Variants in CCDC148 observed in about 807,000 individuals in gnomAD.
CCDC148 encodes coiled-coil domain containing 148, also known as coiled-coil domain-containing protein 148.
A neutral mutation model predicts 85.7 loss-of-function variants in CCDC148; 89 were observed. That is an observed-to-expected ratio of 1.04 (90% CI 0.87 to 1.24). The LOEUF is 1.24. Ranked by LOEUF, CCDC148 falls within the 50% of genes most tolerant of loss-of-function variation. The pLI is 0.00. For synonymous variants in CCDC148, 230 were observed against 213.9 expected, an observed-to-expected ratio of 1.08 and a Z score of -0.66; for missense variants, 692 against 671.7, an observed-to-expected ratio of 1.03 and a Z score of -0.33.
chr2:158,453,004 T>C (rs1388456151), intron 1 of CCDC148, among the ~76,000 whole-genome samples: 2 of 152,236 alleles, frequency 1.3e-5, no homozygotes, highest in African/African-American at 2.4e-5. Flanking sequence ...TTTTTCCACA[T>C]TGTACAGCTA....
intron 10 of CCDC148, among the ~76,000 whole-genome samples, chr2:158,221,069 T>G (rs1687156934): frequency 6.6e-6 from 1 of 152,240 alleles, no homozygotes; most frequent in Admixed American, 6.5e-5. Context: ...AAGAATATTT[T>G]TATCTTCTTA....
intron 11 of CCDC148, among the ~76,000 whole-genome samples, chr2:158,212,646 C>T (rs1300197068): frequency 6.6e-6 from 1 of 152,096 alleles, no homozygotes; most frequent in Non-Finnish European, 1.5e-5. Context: ...CAGGAAAATG[C>T]TGTTATTTGG....
chr2:158,420,907 G>GA (rs1686747351), intron 1 of CCDC148, among the ~76,000 whole-genome samples: 1 of 147,682 alleles, frequency 6.8e-6, no homozygotes, highest in African/African-American at 2.5e-5. Context: ...CAAGAAAATA[G>GA]AAAACAAAAA....
intron 1 of CCDC148, among the ~76,000 whole-genome samples, chr2:158,394,792 C>A (rs940308034): frequency 2.8e-4 from 43 of 151,976 alleles, no homozygotes; most frequent in Non-Finnish European, 5.3e-4. Flanking sequence ...GGCAGTAAAA[C>A]TTGCCCACCT....
chr2:158,283,183 A>G (rs1000109131), intron 9 of CCDC148, among the ~76,000 whole-genome samples: 3 of 152,244 alleles, frequency 2.0e-5, no homozygotes, highest in Non-Finnish European at 4.4e-5. Context: ...ACCCTAGACG[A>G]AAACCTAGGC....
intron 11 of CCDC148, among the ~76,000 whole-genome samples, chr2:158,191,187 C>T (rs1685408087): frequency 6.6e-6 from 1 of 151,980 alleles, no homozygotes. Flanking sequence ...CCACAGTCTT[C>T]TCCCTCAAAC....
chr2:158,324,948 T>C (rs1230011640), intron 7 of CCDC148, among the ~76,000 whole-genome samples: 3 of 152,066 alleles, frequency 2.0e-5, no homozygotes, highest in Admixed American at 6.6e-5. Context: ...TGCTTATTCC[T>C]CCACTTGTGT....
chr2:158,328,025 T>A (rs934894018), intron 7 of CCDC148, among the ~76,000 whole-genome samples: 2 of 151,034 alleles, frequency 1.3e-5, no homozygotes, highest in Admixed American at 6.6e-5. Flanking sequence ...TCTCATTTCT[T>A]TTTTTTTTAT....
At chr2:158,452,018 G>A (rs997514257) in intron 1 of CCDC148, among the ~76,000 whole-genome samples, 1 of 152,164 alleles carries the variant, frequency 6.6e-6, no homozygotes, top group Admixed American at 6.5e-5. Context: ...ACCTTATGAG[G>A]AGAATAGTGT....
rs574995096 is a variant in CCDC148 at position 158,454,495 on chromosome 2, T to G, written c.25+1920A>C. 2.0e-4 allele frequency among the ~76,000 whole-genome samples: 31 copies of G among 152,330 alleles called. No homozygotes were observed. In the East Asian group the frequency reaches 2.3e-3, roughly 11 times the overall value. On this transcript the variant is annotated intron_variant, in intron 1 of 13. Coordinates refer to ENST00000283233, the MANE Select transcript of CCDC148 (RefSeq NM_138803.4). ...GAAGGAGGTGAAGATGTGTGAAAAC[T>G]AGGACTGAGGTTTAAGAAAGTTAAG...
intron 9 of CCDC148, among the ~76,000 whole-genome samples, chr2:158,304,944 G>A (rs922471701): frequency 7.9e-5 from 12 of 152,124 alleles, no homozygotes; most frequent in African/African-American, 2.2e-4. Context: ...TAATGACTTC[G>A]CAGAGCATGA....
chr2:158,330,425 G>A (rs1693036697), intron 7 of CCDC148, among the ~76,000 whole-genome samples: 1 of 152,130 alleles, frequency 6.6e-6, no homozygotes, highest in African/African-American at 2.4e-5. Context: ...TTTTACTGAG[G>A]ATTTTTGCAT....
chr2:158,350,695 T>C (rs992571402), intron 2 of CCDC148, among the ~76,000 whole-genome samples: 1 of 152,186 alleles, frequency 6.6e-6, no homozygotes, highest in African/African-American at 2.4e-5. Context: ...TGCATCTTTT[T>C]CTCTTTGGAG....
intron 1 of CCDC148, among the ~76,000 whole-genome samples, chr2:158,422,360 C>A (rs2105324457): frequency 6.6e-6 from 1 of 151,796 alleles, no homozygotes; most frequent in Admixed American, 6.6e-5. Flanking sequence ...CAAACCGAAT[C>A]CAGCATATCA....
chr2:158,228,264 T>A (rs547737920), intron 10 of CCDC148, among the ~76,000 whole-genome samples: 2 of 152,322 alleles, frequency 1.3e-5, no homozygotes, highest in Non-Finnish European at 2.9e-5. Context: ...TGAGATACCA[T>A]CTCACACCAG....
chr2:158,337,601 G>A lies in CCDC148; in HGVS notation c.764+1125C>T, dbSNP rs116897944. On this transcript the variant is annotated intron_variant, in intron 7 of 13. Transcript: ENST00000283233. Reference sequence around the variant, plus strand: ...AGCTTTACTGCAAGATAGGAAAGAAGAAAGGAAAGGAGAGAGATGGGGAAG... The same window carrying A: ...AGCTTTACTGCAAGATAGGAAAGAAAAAAGGAAAGGAGAGAGATGGGGAAG... 4.3e-3 allele frequency among the ~76,000 whole-genome samples: 655 copies of A among 152,254 alleles called. 13 individuals are homozygous for A. The highest frequency in any genetic ancestry group is 6.8e-3 in the East Asian group (35 of 5,172).
At chr2:158,287,171 C>A (rs1316676550) in intron 9 of CCDC148, among the ~76,000 whole-genome samples, 2 of 152,136 alleles carry the variant, frequency 1.3e-5, no homozygotes, top group African/African-American at 4.8e-5. Flanking sequence ...ATTGAATTAC[C>A]TCCTACTGGG....
chr2:158,421,028 G>A (rs1404866421), intron 1 of CCDC148, among the ~76,000 whole-genome samples: 1 of 152,106 alleles, frequency 6.6e-6, no homozygotes, highest in Non-Finnish European at 1.5e-5. Flanking sequence ...AATTCCACAA[G>A]AAGAGCTAAC....
intron 1 of CCDC148, among the ~76,000 whole-genome samples, chr2:158,380,470 C>T (rs1398430812): frequency 6.6e-6 from 1 of 152,098 alleles, no homozygotes; most frequent in African/African-American, 2.4e-5. Flanking sequence ...ATTCCAGGTC[C>T]ACCACTTATA....
Sources: gnomAD v4.1 joint callset for allele counts (sites outside exome capture counted in the v4.1 genomes callset) on GRCh38, gnomAD v4.1.1 for gene constraint, MANE v1.5 for transcripts, NCBI Gene and HGNC (gene_info 2026-07-23, HGNC 2026-07-21) for gene names.